MID1: variants seen among roughly 807,000 people sequenced by gnomAD.
The protein encoded by MID1 is midline 1, also known as E3 ubiquitin-protein ligase Midline-1.
Under a neutral mutation model 40.4 loss-of-function variants are expected in MID1, and 7 were observed. That is an observed-to-expected ratio of 0.17 (90% CI 0.10 to 0.33). The LOEUF is 0.33. Among genes scored for constraint, MID1 ranks in the 10% least tolerant of loss-of-function variants. The pLI is 1.00. For missense variants in MID1, 367 were observed against 558.5 expected (o/e 0.66, Z 3.46); for synonymous variants, 229 against 221.2 (o/e 1.04, Z -0.31).
At position 10,455,092 on chromosome X, in the gene MID1, A is replaced by G. The variant is rs1569268141; in HGVS notation, c.1448-15T>C. 1 of 1,163,041 alleles carries G rather than the reference A, an allele frequency of 8.6e-7. No homozygotes were observed. The highest frequency in any genetic ancestry group is 1.2e-6 in the Non-Finnish European group (1 of 851,121). ...AAATGGTTGGCCTGAAAACAAATTC[A>G]CAAAACAGAAAAAGGAAGAGGAAGA... is the stretch of plus-strand genomic sequence containing the variant. On this transcript the variant is annotated splice_polypyrimidine_tract_variant and intron_variant, in intron 8 of 9. Transcript: ENST00000317552.
intron 1 of MID1, among the ~76,000 whole-genome samples, chrX:10,697,281 T>C (rs2043168159): frequency 1.8e-5 from 2 of 111,751 alleles, no homozygotes; most frequent in South Asian, 7.6e-4. Context: ...TCTTAATAGC[T>C]CTTTAATGAT....
intron 1 of MID1, among the ~76,000 whole-genome samples, chrX:10,765,511 G>C (rs2043714220): frequency 1.8e-5 from 2 of 112,171 alleles, no homozygotes; most frequent in Admixed American, 1.9e-4. Flanking sequence ...TCATCTTTTA[G>C]CTTGTCTGTA....
intron 1 of MID1, among the ~76,000 whole-genome samples, chrX:10,831,949 C>G (rs767563453): frequency 6.2e-5 from 7 of 112,362 alleles, no homozygotes; most frequent in South Asian, 3.7e-4. Flanking sequence ...GGTGAGAAAA[C>G]CTGGTATTAA....
At chrX:10,728,485 G>C (rs1329533713) in intron 1 of MID1, among the ~76,000 whole-genome samples, 1 of 112,327 alleles carries the variant, frequency 8.9e-6, no homozygotes, top group Non-Finnish European at 1.9e-5. Flanking sequence ...CAGTCTGCCA[G>C]AGGGATGAGT....
At chrX:10,586,651 G>A (rs1323423957) in intron 1 of MID1, among the ~76,000 whole-genome samples, 1 of 112,378 alleles carries the variant, frequency 8.9e-6, no homozygotes, top group East Asian at 2.8e-4. Flanking sequence ...ATTTATTAAA[G>A]TCACCACAGC....
intron 2 of MID1, among the ~76,000 whole-genome samples, chrX:10,534,461 AT>A (rs752782615): frequency 6.0e-4 from 67 of 112,526 alleles, no homozygotes; most frequent in Admixed American, 9.4e-4. Context: ...TATTAAACAT[AT>A]TTGAAGCTAA....
intron 1 of MID1, among the ~76,000 whole-genome samples, chrX:10,776,925 G>A (rs769261624): frequency 1.8e-5 from 2 of 112,196 alleles, no homozygotes; most frequent in Non-Finnish European, 3.8e-5. Context: ...TATATATTAA[G>A]CAGCTACTAT....
intron 4 of MID1, among the ~76,000 whole-genome samples, chrX:10,489,856 T>C (rs1232620524): frequency 9.1e-6 from 1 of 110,282 alleles, no homozygotes; most frequent in Non-Finnish European, 1.9e-5. Context: ...CCACCATGTC[T>C]GGCTTATTTT....
chrX:10,746,713 A>T (rs1250969446), intron 1 of MID1, among the ~76,000 whole-genome samples: 2 of 110,609 alleles, frequency 1.8e-5, no homozygotes, highest in Non-Finnish European at 3.8e-5. Context: ...CACTTGTCTT[A>T]TGCCCAGTGG....
intron 1 of MID1, among the ~76,000 whole-genome samples, chrX:10,686,613 T>C (rs1012944121): frequency 4.5e-5 from 5 of 112,246 alleles, no homozygotes; most frequent in Admixed American, 9.5e-5. Context: ...AAAAATACTT[T>C]GTTGTTGCAG....
rs1229360357 is a variant in MID1, at chrX:10,495,657, T to C, written c.791A>G (p.Glu264Gly). ...GATCTCAATGAGAAGATCACACTCC[T>C]CTGTCAATTTGGCTTCTTGACGTGA... ...NASRQEAKLT[E>G]ECDLLIEIIQ... Residue 264 changes from glutamate to glycine, a missense_variant, in exon 4 of 10, where the codon GAG becomes GGG. By Grantham distance (98) the Glu-to-Gly change is moderately conservative. This residue lies in a region of MID1 where 275 missense variants were observed against 383.1 expected (regional missense o/e 0.72). Transcript: ENST00000317552. 2 of 1,207,711 alleles carry C rather than the reference T, an allele frequency of 1.7e-6. No homozygotes were observed. The highest frequency in any genetic ancestry group is 2.2e-6 in the Non-Finnish European group (2 of 893,133).
intron 1 of MID1, among the ~76,000 whole-genome samples, chrX:10,798,444 T>G (rs1451647067): frequency 5.3e-5 from 6 of 112,298 alleles, no homozygotes; most frequent in Non-Finnish European, 1.1e-4. Flanking sequence ...AAATGTCTCA[T>G]CAGAATCCTT....
At chrX:10,723,800 A>G (rs1053230818) in intron 1 of MID1, among the ~76,000 whole-genome samples, 1 of 111,953 alleles carries the variant, frequency 8.9e-6, no homozygotes, top group African/African-American at 3.3e-5. Flanking sequence ...TCGACCTCCC[A>G]AAGTGCTGGG....
intron 1 of MID1, among the ~76,000 whole-genome samples, chrX:10,680,318 A>G (rs932018941): frequency 1.8e-5 from 2 of 112,011 alleles, no homozygotes; most frequent in African/African-American, 6.5e-5. Context: ...TACCATGAAG[A>G]GGGGTATATT....
chrX:10,780,022 A>C (rs927576778), intron 1 of MID1, among the ~76,000 whole-genome samples: 1 of 108,653 alleles, frequency 9.2e-6, no homozygotes, highest in Non-Finnish European at 1.9e-5. Context: ...CAGTGGTGTG[A>C]TCTTGGCTCA....
intron 1 of MID1, among the ~76,000 whole-genome samples, chrX:10,687,935 CT>C (rs2043110311): frequency 9.0e-6 from 1 of 111,044 alleles, no homozygotes; most frequent in African/African-American, 3.3e-5. Context: ...CCATGCTGGT[CT>C]TGAACTCCTG....
chrX:10,683,770 CTTTTTTTTTTTT>C (rs34917176), intron 1 of MID1, among the ~76,000 whole-genome samples: 13 of 45,092 alleles, frequency 2.9e-4, no homozygotes, highest in Middle Eastern at 0.014. Flanking sequence ...TGCACGTCAT[CTTTTTTTTTTTT>C]TTTTTTTTTT....
At chrX:10,504,761 G>T (rs1238992760) in intron 3 of MID1, among the ~76,000 whole-genome samples, 2 of 106,373 alleles carry the variant, frequency 1.9e-5, no homozygotes. Context: ...GGAGTTGGGG[G>T]ACTTTTTTTT....
At chrX:10,585,333 TA>T (rs746814880) in intron 1 of MID1, among the ~76,000 whole-genome samples, 1 of 112,015 alleles carries the variant, frequency 8.9e-6, no homozygotes, top group East Asian at 2.8e-4. Flanking sequence ...TTCTCACTCT[TA>T]TTTTTGCTAC....
Sources: gnomAD v4.1 joint callset for allele counts (sites outside exome capture counted in the v4.1 genomes callset) on GRCh38, gnomAD v4.1.1 for gene constraint, gnomAD v4.1.1 regional missense constraint, MANE v1.5 for transcripts, NCBI Gene and HGNC (gene_info 2026-07-23, HGNC 2026-07-21) for gene names.